Variants in ZBTB5 observed in about 807,000 individuals in gnomAD.
ZBTB5 encodes the protein zinc finger and BTB domain containing 5, also known as zinc finger and BTB domain-containing protein 5.
A neutral mutation model predicts 37.9 loss-of-function variants in ZBTB5; 15 were observed. The ratio of observed to expected loss-of-function variants is 0.40; its 90% CI spans 0.26 to 0.61. The LOEUF (loss-of-function observed/expected upper bound fraction) is 0.61, where lower values mean the gene tolerates loss of function less well. ZBTB5 is among the 20% of genes least tolerant of loss of function. ZBTB5 has a pLI of 0.47. For synonymous variants in ZBTB5, 315 were observed against 312.4 expected (o/e 1.01, Z -0.09); for missense variants, 708 against 856.8 (o/e 0.83, Z 2.17).
intron 1 of ZBTB5, among the ~76,000 whole-genome samples, chr9:37,463,387 G>A (rs930076165): frequency 6.6e-6 from 1 of 152,098 alleles, no homozygotes; most frequent in African/African-American, 2.4e-5. Flanking sequence ...AACTGACAGA[G>A]GGGGAAAGTA....
intron 1 of ZBTB5, among the ~76,000 whole-genome samples, chr9:37,450,178 T>C (rs947041745): frequency 3.3e-5 from 5 of 152,188 alleles, no homozygotes; most frequent in Admixed American, 1.3e-4. Flanking sequence ...GAGAGAGAGC[T>C]GTTTTCCTTT....
At chr9:37,453,256 T>C (rs1369038133) in intron 1 of ZBTB5, among the ~76,000 whole-genome samples, 5 of 152,180 alleles carry the variant, frequency 3.3e-5, no homozygotes, top group Non-Finnish European at 5.9e-5. Context: ...GGCACAGTTA[T>C]AGCTCACTAC....
intron 1 of ZBTB5, among the ~76,000 whole-genome samples, chr9:37,450,379 G>T (rs929179952): frequency 6.6e-6 from 1 of 152,100 alleles, no homozygotes; most frequent in Non-Finnish European, 1.5e-5. Flanking sequence ...CCTTGAAAAA[G>T]TCTGTGGGGC....
intron 1 of ZBTB5, among the ~76,000 whole-genome samples, chr9:37,456,771 T>C (rs1368843798): frequency 6.6e-6 from 1 of 152,212 alleles, no homozygotes; most frequent in Non-Finnish European, 1.5e-5. Context: ...GTGCCTGACA[T>C]AAAATACTCA....
intron 1 of ZBTB5, among the ~76,000 whole-genome samples, chr9:37,447,584 G>A (rs1824012420): frequency 6.6e-6 from 1 of 152,118 alleles, no homozygotes; most frequent in African/African-American, 2.4e-5. Context: ...CTGCCAGCCT[G>A]GGATTACAGG....
At chr9:37,444,501 A>G (rs980544086) in intron 1 of ZBTB5, among the ~76,000 whole-genome samples, 3 of 152,170 alleles carry the variant, frequency 2.0e-5, no homozygotes, top group African/African-American at 7.2e-5. Context: ...CGCCCGGCCA[A>G]GAAATGGTAT....
At chr9:37,450,294 C>A (rs954489134) in intron 1 of ZBTB5, among the ~76,000 whole-genome samples, 6 of 151,958 alleles carry the variant, frequency 3.9e-5, no homozygotes, top group Non-Finnish European at 7.4e-5. Context: ...GTATTTACCC[C>A]AGACAACGAA....
At chr9:37,464,210 A>G (rs1219483383) in intron 1 of ZBTB5, among the ~76,000 whole-genome samples, 12 of 152,246 alleles carry the variant, frequency 7.9e-5, no homozygotes, top group Non-Finnish European at 2.9e-5. Flanking sequence ...ATTACCAATG[A>G]CTTAATGACT....
At chr9:37,453,502 T>A (rs1278723091) in intron 1 of ZBTB5, among the ~76,000 whole-genome samples, 1 of 152,206 alleles carries the variant, frequency 6.6e-6, no homozygotes, top group East Asian at 1.9e-4. Flanking sequence ...CAGCACTAAG[T>A]AACTGTAACG....
intron 1 of ZBTB5, 129 bp downstream of exon 1, chr9:37,465,086 A>T (rs1824367590): frequency 6.6e-6 from 1 of 152,326 alleles, no homozygotes; most frequent in African/African-American, 2.4e-5. Context: ...TCCGAAAGAC[A>T]GCCAGAGTAG....
Position 37,443,065 on chromosome 9 carries a change from C to T in ZBTB5, c.-4-510G>A, listed in dbSNP as rs368540827. On this transcript the variant is annotated intron_variant, in intron 1 of 1. Coordinates refer to ENST00000307750, the MANE Select transcript of ZBTB5 (RefSeq NM_014872.3). Reference sequence around the variant, plus strand: ...TTCCTGAAACCCCACTAAAATGACACGAAGCCCGGCATGGAGGCTCATGCC... The same window carrying T: ...TTCCTGAAACCCCACTAAAATGACATGAAGCCCGGCATGGAGGCTCATGCC... Among the ~76,000 whole-genome samples the T allele has an allele frequency of 5.9e-5, 9 of 152,210 alleles. No individual in the cohort carries two copies. The East Asian group carries it at 9.7e-4, about 16-fold the overall frequency.
At chr9:37,451,697 C>G (rs886789630) in intron 1 of ZBTB5, among the ~76,000 whole-genome samples, 1 of 151,964 alleles carries the variant, frequency 6.6e-6, no homozygotes, top group Non-Finnish European at 1.5e-5. Context: ...CATTATCACC[C>G]CCTAAAAAGC....
At chr9:37,460,108 T>A (rs1463591882) in intron 1 of ZBTB5, among the ~76,000 whole-genome samples, 3 of 151,498 alleles carry the variant, frequency 2.0e-5, no homozygotes, top group Admixed American at 2.0e-4. Context: ...CCTCCCAAAA[T>A]GCTGGGCCTG....
In ZBTB5 at chr9:37,443,397, G is replaced by A. The variant is rs1449235732; in HGVS notation, c.-4-842C>T. ...AAAGGTGTAAACCCACAAGGAAAAA[G>A]AGAATGAGAAGGCCTTCAATAGCAT... is the stretch of plus-strand genomic sequence containing the variant. On this transcript the variant is annotated intron_variant, in intron 1 of 1. Coordinates refer to ENST00000307750, the MANE Select transcript of ZBTB5 (RefSeq NM_014872.3). Among the ~76,000 whole-genome samples the A allele has an allele frequency of 2.0e-5, 3 of 151,926 alleles. No homozygotes were observed. In the East Asian group the frequency reaches 5.8e-4, roughly 29 times the overall value.
chr9:37,446,920 T>C (rs1215333058), intron 1 of ZBTB5, among the ~76,000 whole-genome samples: 4 of 152,154 alleles, frequency 2.6e-5, no homozygotes, highest in Admixed American at 6.5e-5. Context: ...TGGTGGGAAG[T>C]TGTACAAGAC....
At chr9:37,456,537 G>A (rs994067057) in intron 1 of ZBTB5, among the ~76,000 whole-genome samples, 1 of 152,166 alleles carries the variant, frequency 6.6e-6, no homozygotes, top group Non-Finnish European at 1.5e-5. Context: ...TGAGGAAGGC[G>A]AGCTGGAAGC....
chr9:37,461,744 T>G (rs1824297233), intron 1 of ZBTB5, among the ~76,000 whole-genome samples: 1 of 151,652 alleles, frequency 6.6e-6, no homozygotes, highest in Admixed American at 6.6e-5. Flanking sequence ...AAAAAAAAAG[T>G]AAATTAGGAA....
chr9:37,453,501 G>T (rs563561805), intron 1 of ZBTB5, among the ~76,000 whole-genome samples: 5 of 152,296 alleles, frequency 3.3e-5, no homozygotes, highest in African/African-American at 4.8e-5. Context: ...ACAGCACTAA[G>T]TAACTGTAAC....
chr9:37,462,603 A>G (rs1361302855), intron 1 of ZBTB5, among the ~76,000 whole-genome samples: 1 of 145,286 alleles, frequency 6.9e-6, no homozygotes. Flanking sequence ...CTCTGTCTCC[A>G]AGACTCCAAG....
Sources: allele counts gnomAD v4.1 joint callset (sites outside exome capture counted in the v4.1 genomes callset), GRCh38; gene constraint gnomAD v4.1.1; transcripts MANE v1.5; gene names NCBI Gene and HGNC (gene_info 2026-07-23, HGNC 2026-07-21).